DGKE: variants seen among roughly 807,000 people sequenced by gnomAD.
DGKE encodes the protein DAG kinase epsilon.
In DGKE, 53 loss-of-function variants were observed where a neutral mutation model predicts 70.0. The observed-to-expected ratio is 0.76, with a 90% confidence interval of 0.61 to 0.95. DGKE has a LOEUF of 0.95. Among genes scored for constraint, DGKE ranks in the 40% least tolerant of loss-of-function variants. DGKE has a pLI of 0.00. For missense variants in DGKE, 655 were observed against 706.9 expected (o/e 0.93, Z 0.83); for synonymous variants, 291 against 257.0 (o/e 1.13, Z -1.27).
rs143468147 is a variant in DGKE, at chr17:56,835,030, C to G, written c.235C>G (p.Gln79Glu). The G allele has an allele frequency of 9.4e-4, 1,513 of 1,612,954 alleles. No homozygotes were observed. The highest frequency in any genetic ancestry group is 1.2e-3 in the Non-Finnish European group (1,454 of 1,180,032). ...SQPTYCCVCA[Q>E]HILQGAFCDC... ...GCCCACCTACTGCTGCGTGTGCGCG[C>G]AGCACATTCTGCAGGGCGCCTTCTG... The change falls in exon 2 of 12, where the codon CAG (glutamine) becomes GAG (glutamate). Residue 79 changes from glutamine (Q) to glutamate (E), a missense_variant. Coordinates refer to ENST00000284061, the MANE Select transcript of DGKE (RefSeq NM_003647.3).
chr17:56,834,782 C>CTTATCTGGTTAG lies in DGKE; in HGVS notation c.-14_-13insTTATCTGGTTAG. ...GCCTGTTTCTTTTCTGGTTAGGTAT[C>CTTATCTGGTTAG]GTCCTTGGAGAAGATGGAAGCGGAG... On this transcript the variant is annotated 5_prime_UTR_variant, in exon 2 of 12. Coordinates refer to ENST00000284061, the MANE Select transcript of DGKE (RefSeq NM_003647.3). 1 of 1,585,644 alleles carries CTTATCTGGTTAG rather than the reference C, an allele frequency of 6.3e-7. No homozygotes were observed. The highest frequency in any genetic ancestry group is 8.6e-7 in the Non-Finnish European group (1 of 1,167,068).
At chr17:56,845,151 T>C (rs1185312128) in intron 3 of DGKE, among the ~76,000 whole-genome samples, 1 of 152,296 alleles carries the variant, frequency 6.6e-6, no homozygotes, top group East Asian at 1.9e-4. Context: ...AAGAAATGGT[T>C]ACATTTTGAA....
At chr17:56,857,030 A>G (rs978357346) in intron 8 of DGKE, among the ~76,000 whole-genome samples, 1 of 152,060 alleles carries the variant, frequency 6.6e-6, no homozygotes, top group Non-Finnish European at 1.5e-5. Context: ...ACCAGGAGGC[A>G]AAAGTTGCAG....
chr17:56,853,362 AC>A (rs1378370376), intron 7 of DGKE, among the ~76,000 whole-genome samples: 1 of 152,212 alleles, frequency 6.6e-6, no homozygotes, highest in African/African-American at 2.4e-5. Flanking sequence ...CAAATATCAA[AC>A]AAATAACTGC....
intron 7 of DGKE, among the ~76,000 whole-genome samples, chr17:56,850,780 A>G (rs953947502): frequency 1.1e-4 from 17 of 152,184 alleles, no homozygotes; most frequent in African/African-American, 3.9e-4. Context: ...AAAAAGCTCA[A>G]AAGTGCCTAC....
chr17:56,850,474 A>G (rs1484436132), intron 7 of DGKE, among the ~76,000 whole-genome samples: 3 of 152,216 alleles, frequency 2.0e-5, no homozygotes, highest in Non-Finnish European at 1.5e-5. Context: ...GGTGACACAG[A>G]TTAAGAGAGG....
Position 56,861,840 on chromosome 17 carries a change from T to C in DGKE, c.1334T>C (p.Ile445Thr). The C allele has an allele frequency of 6.2e-6, 10 of 1,613,636 alleles. No individual in the cohort carries two copies. Among genetic ancestry groups the C allele is most frequent in the Non-Finnish European group, 8.5e-6 (10 of 1,179,858 alleles). Residue 445 changes from isoleucine to threonine, a missense_variant, in exon 10 of 12, where the codon ATA becomes ACA. Physicochemically the swap from Ile to Thr is moderately conservative, Grantham distance 89. Coordinates refer to ENST00000284061, the MANE Select transcript of DGKE (RefSeq NM_003647.3). Reference sequence around the variant, plus strand: ...GCACTGCCCAGCTTGGAAGGTATTATAGTTCTGAACATCGGATACTGGGGC... The same window carrying C: ...GCACTGCCCAGCTTGGAAGGTATTACAGTTCTGAACATCGGATACTGGGGC... The part of the protein sequence containing the change: ...RVALPSLEGI[I>T]VLNIGYWGGG...
In DGKE at chr17:56,868,672, G is replaced by C. The variant is rs1054539014; in HGVS notation, c.*5881G>C. On this transcript the variant is annotated 3_prime_UTR_variant, in exon 12 of 12. Transcript: ENST00000284061. ...TTTAATAAAATTAAAAGTGCAGCAC[G>C]TAAGTATGATACTGTGTAGTTTTTT... The C allele has an allele frequency of 6.6e-6, 1 of 152,212 alleles. No homozygotes were observed. The highest frequency in any genetic ancestry group is 2.1e-4 in the South Asian group (1 of 4,824). The allele number at this position is 152,212 out of a possible 1,614,324, so 9.4% of individuals were successfully genotyped here.
chr17:56,856,460 T>G, intron 7 of DGKE, 52 bp from the exon 8 acceptor site: 4 of 1,544,378 alleles, frequency 2.6e-6, no homozygotes, highest in Non-Finnish European at 3.5e-6. Flanking sequence ...TAATTATGAC[T>G]CAAGCTTAGG....
At chr17:56,859,981 C>G (rs1479368543) in intron 9 of DGKE, among the ~76,000 whole-genome samples, 1 of 152,144 alleles carries the variant, frequency 6.6e-6, no homozygotes, top group Non-Finnish European at 1.5e-5. Context: ...GCAAGATTTT[C>G]TGTTAAAAAG....
intron 9 of DGKE, among the ~76,000 whole-genome samples, chr17:56,860,542 A>G (rs8078249): frequency 0.48 from 73,264 of 152,020 alleles, 18,261 homozygotes; most frequent in East Asian, 0.89. Flanking sequence ...GAAGAAACCA[A>G]AAAGATATTT....
intron 9 of DGKE, among the ~76,000 whole-genome samples, chr17:56,859,241 C>T (rs1024875022): frequency 1.9e-4 from 29 of 151,070 alleles, no homozygotes; most frequent in Admixed American, 6.6e-5. Flanking sequence ...AGGAGAATGG[C>T]GTGGACCCGG....
intron 10 of DGKE, 107 bp downstream of exon 10, chr17:56,862,025 A>AT: frequency 1.3e-6 from 2 of 1,517,010 alleles, no homozygotes; most frequent in South Asian, 2.5e-5. Context: ...TGTGTATCTC[A>AT]TTAGTTATAA....
chr17:56,837,148 T>A (rs1440497855), intron 2 of DGKE, among the ~76,000 whole-genome samples: 1 of 152,214 alleles, frequency 6.6e-6, no homozygotes, highest in African/African-American at 2.4e-5. Flanking sequence ...AAATAAAATA[T>A]TGCAGAATTT....
In DGKE at chr17:56,861,938, GT is replaced by G. The variant is rs1178489555; in HGVS notation, c.1412+27del. On this transcript the variant is annotated intron_variant, in intron 10 of 11. Transcript: ENST00000284061. ...AGCCAGGTATGTACATTTGTGGTCT[GT>G]TTTTTTATGTCACTATTTTATTTAA... 1 of 1,569,982 alleles carries G rather than the reference GT, an allele frequency of 6.4e-7. No homozygotes were observed. The highest frequency in any genetic ancestry group is 1.4e-5 in the African/African-American group (1 of 72,262).
At chr17:56,839,556 T>C (rs563011433) in intron 2 of DGKE, among the ~76,000 whole-genome samples, 4 of 152,332 alleles carry the variant, frequency 2.6e-5, no homozygotes, top group African/African-American at 9.6e-5. Context: ...TTACTCTATA[T>C]TGCCTAGGCT....
At chr17:56,835,557 A>G (rs1906559914) in intron 2 of DGKE, 1 of 442,798 alleles carries the variant, frequency 2.3e-6, no homozygotes, top group African/African-American at 2.0e-5. Flanking sequence ...GCCACTGTAT[A>G]TTTTAGCTTT....
intron 2 of DGKE, chr17:56,836,247 C>T (rs1906612191): frequency 6.6e-6 from 1 of 152,018 alleles, no homozygotes; most frequent in Middle Eastern, 3.4e-3. Context: ...TTAGCATGAA[C>T]GCTATTATAA....
intron 9 of DGKE, among the ~76,000 whole-genome samples, chr17:56,859,733 A>G (rs1007401386): frequency 6.6e-6 from 1 of 152,194 alleles, no homozygotes; most frequent in Non-Finnish European, 1.5e-5. Context: ...TGGCAGTCTT[A>G]TATGTATTCC....
Sources: gnomAD v4.1 joint callset for allele counts (sites outside exome capture counted in the v4.1 genomes callset) on GRCh38, gnomAD v4.1.1 for gene constraint, MANE v1.5 for transcripts, NCBI Gene and HGNC (gene_info 2026-07-23, HGNC 2026-07-21) for gene names.